DNER: variants seen among roughly 807,000 people sequenced by gnomAD.
The protein encoded by DNER is delta/notch like EGF repeat containing, also known as delta and Notch-like epidermal growth factor-related receptor.
DNER carries 33 observed loss-of-function variants against 78.2 expected under a neutral mutation model. The ratio of observed to expected loss-of-function variants is 0.42; its 90% CI spans 0.32 to 0.56. The LOEUF (loss-of-function observed/expected upper bound fraction) is 0.56. Ranked by LOEUF, DNER falls within the 20% of genes least tolerant of loss-of-function variation. DNER has a pLI of 0.11. For synonymous variants in DNER, 417 were observed against 384.8 expected (o/e 1.08, Z -0.98); for missense variants, 918 against 975.3 (o/e 0.94, Z 0.78).
intron 9 of DNER, 42 bp downstream of exon 9, chr2:229,418,066 T>C: frequency 6.2e-7 from 1 of 1,613,892 alleles, no homozygotes; most frequent in South Asian, 1.1e-5. Flanking sequence ...CATGACGTCA[T>C]TTAGAGCCAT....
At position 229,621,027 on chromosome 2, in the gene DNER, G is replaced by A. The variant is rs551879107; in HGVS notation, c.277-29139C>T. On this transcript the variant is annotated intron_variant, in intron 1 of 12. Coordinates refer to ENST00000341772, the MANE Select transcript of DNER (RefSeq NM_139072.4). ...TAAATATCTGCTGTTTAAGCCACCCGGTCTGCGGTGCTTTGTTATGACGCC... is the reference window on the plus strand; with the variant it reads ...TAAATATCTGCTGTTTAAGCCACCCAGTCTGCGGTGCTTTGTTATGACGCC... Among the ~76,000 whole-genome samples the A allele has an allele frequency of 1.4e-4, 21 of 152,278 alleles. No individual in the cohort carries two copies. The South Asian group carries it at 4.4e-3, about 32-fold the overall frequency.
chr2:229,527,605 C>T (rs1249458427), intron 5 of DNER, among the ~76,000 whole-genome samples: 1 of 152,222 alleles, frequency 6.6e-6, no homozygotes, highest in Non-Finnish European at 1.5e-5. Context: ...CCCTAGATAG[C>T]TTTGAATCTT....
chr2:229,401,726 T>G (rs1183382926), intron 10 of DNER, among the ~76,000 whole-genome samples: 2 of 152,162 alleles, frequency 1.3e-5, no homozygotes, highest in Admixed American at 1.3e-4. Context: ...TACTGTAGTT[T>G]TACAATATGT....
chr2:229,450,530 C>T (rs1043860705), intron 7 of DNER, among the ~76,000 whole-genome samples: 2 of 152,130 alleles, frequency 1.3e-5, no homozygotes, highest in Non-Finnish European at 2.9e-5. Context: ...TTTTGAAGCC[C>T]TAACTCTCAA....
chr2:229,403,895 G>A (rs1693325025), intron 10 of DNER, among the ~76,000 whole-genome samples: 1 of 152,174 alleles, frequency 6.6e-6, no homozygotes, highest in Non-Finnish European at 1.5e-5. Flanking sequence ...GATGGGGCCA[G>A]ACCACTCAGG....
intron 8 of DNER, among the ~76,000 whole-genome samples, chr2:229,439,643 C>T (rs901466209): frequency 3.3e-5 from 5 of 152,154 alleles, no homozygotes; most frequent in African/African-American, 1.2e-4. Context: ...GTGATTGGAT[C>T]ATAATAATTT....
chr2:229,496,674 A>AAAATT (rs1695509572), intron 6 of DNER, among the ~76,000 whole-genome samples: 1 of 152,216 alleles, frequency 6.6e-6, no homozygotes, highest in Admixed American at 6.5e-5. Context: ...AAAATAAAAT[A>AAAATT]GAATTTGAGT....
intron 12 of DNER, among the ~76,000 whole-genome samples, chr2:229,364,934 T>G (rs1266578001): frequency 1.5e-5 from 2 of 132,634 alleles, no homozygotes; most frequent in Admixed American, 8.6e-5. Context: ...CACTGCAACC[T>G]CCACCTCGTG....
At chr2:229,489,538 G>A (rs1379899560) in intron 6 of DNER, among the ~76,000 whole-genome samples, 1 of 151,638 alleles carries the variant, frequency 6.6e-6, no homozygotes. Flanking sequence ...GAGGAGGAGG[G>A]GGAGGAAGAG....
In DNER at chr2:229,591,039, G is replaced by A. The variant is rs1401670006; in HGVS notation, c.585+541C>T. ...TCCGCCATGATTGTAAGCTTCCAGA[G>A]GCTCAGCAGAAGCAGATGCTGGTGC... On this transcript the variant is annotated intron_variant, in intron 2 of 12. Coordinates refer to ENST00000341772, the MANE Select transcript of DNER (RefSeq NM_139072.4). This position sits in a 1 kb window ranked among gnomAD's most constrained non-coding sequence, Gnocchi z 4.6. 6.6e-6 allele frequency among the ~76,000 whole-genome samples: 1 copy of A among 152,206 alleles called. No homozygotes were observed. Among genetic ancestry groups the A allele is most frequent in the Non-Finnish European group, 1.5e-5 (1 of 68,040 alleles).
intron 4 of DNER, among the ~76,000 whole-genome samples, chr2:229,574,299 A>C (rs989382605): frequency 1.3e-5 from 2 of 152,214 alleles, no homozygotes; most frequent in African/African-American, 2.4e-5. Flanking sequence ...AACATTTGAA[A>C]TTCTGCCCAA....
At chr2:229,681,166 T>A (rs552914945) in intron 1 of DNER, among the ~76,000 whole-genome samples, 66 of 152,316 alleles carry the variant, frequency 4.3e-4, no homozygotes, top group Non-Finnish European at 9.3e-4. Flanking sequence ...TGATATCATA[T>A]GGCCTGCAAA....
intron 8 of DNER, among the ~76,000 whole-genome samples, chr2:229,437,126 A>T (rs894218402): frequency 1.3e-5 from 2 of 152,240 alleles, no homozygotes; most frequent in Non-Finnish European, 2.9e-5. Flanking sequence ...CAGAAAACAT[A>T]AAAAGGCAGG....
chr2:229,634,701 C>G (rs934846185), intron 1 of DNER, among the ~76,000 whole-genome samples: 1 of 152,138 alleles, frequency 6.6e-6, no homozygotes, highest in Non-Finnish European at 1.5e-5. Context: ...GGGAATTGCC[C>G]GTCTTTTCTG....
chr2:229,537,223 C>T lies in DNER; in HGVS notation c.993+9724G>A, dbSNP rs137907954. Among the ~76,000 whole-genome samples, 250 of 152,200 alleles carry T rather than the reference C, an allele frequency of 1.6e-3. 1 individual carries two copies. The highest frequency in any genetic ancestry group is 2.9e-3 in the Admixed American group (44 of 15,280). On this transcript the variant is annotated intron_variant, in intron 5 of 12. Transcript: ENST00000341772. ...ACCAAAATGCCATAAGGTCAACCCC[C>T]GACCCCGCCAAAAAAAACCCAAAAA... is the stretch of plus-strand genomic sequence containing the variant.
intron 4 of DNER, among the ~76,000 whole-genome samples, chr2:229,554,209 C>T (rs1255054117): frequency 6.6e-6 from 1 of 152,160 alleles, no homozygotes; most frequent in Non-Finnish European, 1.5e-5. Flanking sequence ...CAAAGTCCTA[C>T]ATCAATGCTA....
chr2:229,654,573 T>G (rs1698882188), intron 1 of DNER, among the ~76,000 whole-genome samples: 2 of 152,198 alleles, frequency 1.3e-5, no homozygotes. Context: ...TTTGTCTGCC[T>G]TGTTATCTAT....
At chr2:229,450,483 T>C (rs934582389) in intron 7 of DNER, among the ~76,000 whole-genome samples, 1 of 152,236 alleles carries the variant, frequency 6.6e-6, no homozygotes, top group African/African-American at 2.4e-5. Flanking sequence ...ATTCATATTT[T>C]TTAAAATTAG....
At position 229,362,493 on chromosome 2, in the gene DNER, T is replaced by G. The variant is rs146402947; in HGVS notation, c.2103-3842A>C. ...TCACCTTCAAATCAGCACATCCTCC[T>G]TCTCATTAACAAACTCTGGCTTACA... is the stretch of plus-strand genomic sequence containing the variant. On this transcript the variant is annotated intron_variant, in intron 12 of 12. Coordinates refer to ENST00000341772, the MANE Select transcript of DNER (RefSeq NM_139072.4). Among the ~76,000 whole-genome samples the G allele has an allele frequency of 3.6e-3, 543 of 152,332 alleles. 4 individuals are homozygous for G. The highest frequency in any genetic ancestry group is 0.013 in the African/African-American group (525 of 41,572).
Sources: allele counts gnomAD v4.1 joint callset (sites outside exome capture counted in the v4.1 genomes callset), GRCh38; gene constraint gnomAD v4.1.1; non-coding constraint Gnocchi (gnomAD v3.1); transcripts MANE v1.5; gene names NCBI Gene and HGNC (gene_info 2026-07-23, HGNC 2026-07-21).